Variants in KMT2A observed in about 807,000 individuals in gnomAD.
The protein encoded by KMT2A is lysine methyltransferase 2A, also known as histone-lysine N-methyltransferase 2A.
A neutral mutation model predicts 345.3 loss-of-function variants in KMT2A; 16 were observed. The ratio of observed to expected loss-of-function variants is 0.05; its 90% CI spans 0.03 to 0.07. The LOEUF (loss-of-function observed/expected upper bound fraction) is 0.07, where lower values mean the gene tolerates loss of function less well. Ranked by LOEUF, KMT2A falls within the 10% of genes least tolerant of loss-of-function variation. KMT2A has a pLI of 1.00. For missense variants in KMT2A, 3,272 were observed against 4,841.6 expected (o/e 0.68, Z 9.62); for synonymous variants, 1,599 against 1,778.6 (o/e 0.90, Z 2.54).
intron 27 of KMT2A, among the ~76,000 whole-genome samples, chr11:118,507,081 G>C (rs1334525861): frequency 6.6e-6 from 1 of 152,176 alleles, no homozygotes; most frequent in Non-Finnish European, 1.5e-5. Context: ...AGGATTGCTG[G>C]AGCTCAGGAG....
intron 2 of KMT2A, among the ~76,000 whole-genome samples, chr11:118,469,997 GATC>G (rs1949915835): frequency 6.6e-6 from 1 of 152,158 alleles, no homozygotes; most frequent in African/African-American, 2.4e-5. Context: ...GAATTAGAGA[GATC>G]ATCTGGGATT....
chr11:118,506,009 C>G lies in KMT2A; in HGVS notation c.10117C>G (p.Leu3373Val), dbSNP rs782748892. The change falls in exon 27 of 36, where the codon CTT becomes GTT. Residue 3373 changes from leucine to valine, a missense_variant. Leu to Val is a conservative substitution (Grantham distance 32, BLOSUM62 1). Coordinates refer to ENST00000534358, the MANE Select transcript of KMT2A (RefSeq NM_001197104.2). ...GHVTLTNPRL[L>V]GTPDIGSISN... The stretch of plus-strand genomic sequence containing the variant: ...CGTCACCTTAACCAACCCAAGGTTG[C>G]TTGGTACCCCAGATATTGGCTCAAT... 1 of 1,614,076 alleles carries G rather than the reference C, an allele frequency of 6.2e-7. No individual in the cohort carries two copies. Among genetic ancestry groups the G allele is most frequent in the Non-Finnish European group, 8.5e-7 (1 of 1,180,038 alleles).
chr11:118,515,935 A>C (rs1555051486), intron 31 of KMT2A, among the ~76,000 whole-genome samples: 1 of 151,888 alleles, frequency 6.6e-6, no homozygotes, highest in Non-Finnish European at 1.5e-5. Flanking sequence ...TAATCTACCC[A>C]CCTTGGCCTC....
rs1555048592 is a variant in KMT2A, at chr11:118,506,639, G to A, written c.10747G>A (p.Gly3583Ser). ...CCAAGAAACGACATCCCTGACCTCA[G>A]GCACAGGGTGAGAGATCCAAATACT... ...PDQETTSLTSGTGTPGAEAEQ... is the reference protein window; with the variant it reads ...PDQETTSLTSSTGTPGAEAEQ... The change falls in exon 27 of 36, where the codon GGC becomes AGC. Residue 3583 changes from glycine (G) to serine (S), a missense_variant. Gly to Ser is a moderately conservative substitution (Grantham distance 56, BLOSUM62 0). Coordinates refer to ENST00000534358, the MANE Select transcript of KMT2A (RefSeq NM_001197104.2). 3 of 1,593,582 alleles carry A rather than the reference G, an allele frequency of 1.9e-6. No individual in the cohort carries two copies. The highest frequency in any genetic ancestry group is 1.1e-5 in the South Asian group (1 of 87,648).
intron 10 of KMT2A, chr11:118,488,391 T>A (rs533185127): frequency 8.8e-6 from 5 of 566,828 alleles, no homozygotes; most frequent in South Asian, 7.3e-5. Flanking sequence ...TATATTTATT[T>A]TGTTACTTTC....
chr11:118,520,865 G>A lies in KMT2A; in HGVS notation c.11493G>A (p.Lys3831=), dbSNP rs1380545356. ...MRFRHLKKTS[K]EAVGVYRSPI... is the part of the protein sequence containing the mutation. ...TCCGGCACTTAAAAAAGACTTCTAA[G>A]GAGGCAGTTGGTGTCTACAGGTATG... The change falls in exon 34 of 36, where the codon AAG becomes AAA. Residue 3831 remains lysine, a synonymous_variant. Transcript: ENST00000534358. This position sits in a 1 kb window ranked among gnomAD's most constrained non-coding sequence, Gnocchi z 4.3. 3.1e-6 allele frequency: 5 copies of A among 1,613,472 alleles called. No homozygotes were observed. The highest frequency in any genetic ancestry group is 4.2e-6 in the Non-Finnish European group (5 of 1,179,412).
Position 118,484,176 on chromosome 11 carries a change from T to C in KMT2A, c.4087-7T>C. On this transcript the variant is annotated splice_polypyrimidine_tract_variant and splice_region_variant and intron_variant, in intron 8 of 35. Coordinates refer to ENST00000534358, the MANE Select transcript of KMT2A (RefSeq NM_001197104.2). This position sits in a 1 kb window ranked among gnomAD's most constrained non-coding sequence, Gnocchi z 4.1. ...TTTTGTTCTATATTCATCTTTTGTC[T>C]CCTTAGGAAAAACCACCTCCGGTCA... is the stretch of plus-strand genomic sequence containing the variant. 7 of 1,613,762 alleles carry C rather than the reference T, an allele frequency of 4.3e-6. No homozygotes were observed. The South Asian group carries it at 7.7e-5, about 18-fold the overall frequency.
At chr11:118,487,170 C>G (rs1443719161) in intron 10 of KMT2A, among the ~76,000 whole-genome samples, 2 of 152,180 alleles carry the variant, frequency 1.3e-5, no homozygotes, top group East Asian at 3.8e-4. Flanking sequence ...CTACTGTATC[C>G]TCTTTTCCGT....
intron 15 of KMT2A, 118 bp downstream of exon 15, chr11:118,492,046 A>G (rs1950332143): frequency 4.3e-6 from 3 of 701,424 alleles, no homozygotes; most frequent in Non-Finnish European, 7.0e-6. Context: ...TTTGGCTATA[A>G]CCATTAGGAA....
At chr11:118,511,024 A>G (rs1284370555) in intron 30 of KMT2A, among the ~76,000 whole-genome samples, 2 of 152,086 alleles carry the variant, frequency 1.3e-5, no homozygotes, top group African/African-American at 4.8e-5. Context: ...TGAAAGAGAA[A>G]ATTGGGAAGG....
rs1412858482 is a variant in KMT2A at position 118,524,325 on chromosome 11, A to G, written c.*2153A>G. 1.6e-5 allele frequency: 3 copies of G among 189,546 alleles called. No individual in the cohort carries two copies. The highest frequency in any genetic ancestry group is 2.3e-5 in the African/African-American group (1 of 42,814). The allele number at this position is 189,546 out of a possible 1,614,324, so 11.7% of individuals were successfully genotyped here. ...TTCTCGCCGCAAGAAGCCCATTCCT[A>G]TGGAAGTCTAGCAAAGCAATACGAC... On this transcript the variant is annotated 3_prime_UTR_variant, in exon 36 of 36. Coordinates refer to ENST00000534358, the MANE Select transcript of KMT2A (RefSeq NM_001197104.2).
chr11:118,466,113 C>T (rs1949839216), intron 1 of KMT2A, among the ~76,000 whole-genome samples: 1 of 152,118 alleles, frequency 6.6e-6, no homozygotes, highest in Non-Finnish European at 1.5e-5. Context: ...GGGAGGATCA[C>T]TTGAGCCCAG....
At chr11:118,500,677 A>G (rs1950486862) in intron 24 of KMT2A, 1 of 201,492 alleles carries the variant, frequency 5.0e-6, no homozygotes, top group South Asian at 1.5e-4. Context: ...CTGAAGGCCA[A>G]AACTAATTTT....
chr11:118,483,534 A>C (rs1465551123), intron 8 of KMT2A, among the ~76,000 whole-genome samples: 1 of 152,318 alleles, frequency 6.6e-6, no homozygotes, highest in East Asian at 1.9e-4. Flanking sequence ...CCGTCTCAAA[A>C]AAAAATAAAA....
At chr11:118,444,655 C>T (rs547937773) in intron 1 of KMT2A, among the ~76,000 whole-genome samples, 117 of 152,246 alleles carry the variant, frequency 7.7e-4, no homozygotes, top group Middle Eastern at 3.4e-3. Context: ...TTCATTTCAG[C>T]CTCAACCTCC....
intron 31 of KMT2A, among the ~76,000 whole-genome samples, chr11:118,513,937 C>CAAAAAAA (rs1178939991): frequency 3.4e-4 from 16 of 47,208 alleles, no homozygotes; most frequent in East Asian, 5.9e-4. Flanking sequence ...GACCCTGTCT[C>CAAAAAAA]AAAAAAAAAA....
rs117511344 is a variant in KMT2A, at chr11:118,516,214, G to A, written c.11147-3404G>A. On this transcript the variant is annotated intron_variant, in intron 31 of 35. Coordinates refer to ENST00000534358, the MANE Select transcript of KMT2A (RefSeq NM_001197104.2). ...GTAAGTACCATGAAGAAGATAACAT[G>A]GGGAAATGAAATAGAGAGTGACACA... is the stretch of plus-strand genomic sequence containing the variant. Among the ~76,000 whole-genome samples, 51 of 152,264 alleles carry A rather than the reference G, an allele frequency of 3.3e-4. No individual in the cohort carries two copies. The East Asian group carries it at 9.8e-3, about 29-fold the overall frequency.
chr11:118,493,634 T>C lies in KMT2A; in HGVS notation c.5178+404T>C, dbSNP rs373837159. 2.5e-3 allele frequency among the ~76,000 whole-genome samples: 385 copies of C among 152,328 alleles called. 3 individuals carry two copies. The highest frequency in any genetic ancestry group is 8.9e-3 in the African/African-American group (370 of 41,580). ...TGTAGATAGATGCCTGTTAATTTTA[T>C]GATTTTAAGTATGTATAGGAAATGA... is the stretch of plus-strand genomic sequence containing the variant. On this transcript the variant is annotated intron_variant, in intron 16 of 35. Coordinates refer to ENST00000534358, the MANE Select transcript of KMT2A (RefSeq NM_001197104.2). This position sits in a 1 kb window ranked among gnomAD's most constrained non-coding sequence, Gnocchi z 5.8.
intron 1 of KMT2A, among the ~76,000 whole-genome samples, chr11:118,465,528 C>A (rs753925021): frequency 2.6e-5 from 4 of 152,066 alleles, no homozygotes; most frequent in Non-Finnish European, 5.9e-5. Flanking sequence ...ATTATTTATT[C>A]CTTACAGTGC....
Sources: gnomAD v4.1 joint callset for allele counts (sites outside exome capture counted in the v4.1 genomes callset) on GRCh38, gnomAD v4.1.1 for gene constraint, Gnocchi (gnomAD v3.1) non-coding constraint, MANE v1.5 for transcripts, NCBI Gene and HGNC (gene_info 2026-07-23, HGNC 2026-07-21) for gene names.